The following MEIS2 variants were observed in gnomAD, a reference collection of about 807,000 sequenced individuals.
MEIS2 encodes Meis homeobox 2, also known as homeobox protein Meis2.
Under a neutral mutation model 58.6 loss-of-function variants are expected in MEIS2, and 9 were observed. The observed-to-expected ratio is 0.15, with a 90% confidence interval of 0.09 to 0.27. MEIS2 has a LOEUF of 0.27. MEIS2 is among the 10% of genes least tolerant of loss of function. The probability of loss-of-function intolerance (pLI) is 1.00; values close to 1 mark genes in which losing one functional copy is unlikely to be tolerated. For synonymous variants in MEIS2, 221 were observed against 228.4 expected, an observed-to-expected ratio of 0.97 and a Z score of 0.29; for missense variants, 427 against 635.0, an observed-to-expected ratio of 0.67 and a Z score of 3.52.
chr15:37,093,440 C>G, intron 6 of MEIS2, 141 bp downstream of exon 6: 1 of 1,083,272 alleles, frequency 9.2e-7, no homozygotes, highest in Non-Finnish European at 1.3e-6. Flanking sequence ...GCAGAGAAAG[C>G]AAGAAAGAGA....
intron 9 of MEIS2, among the ~76,000 whole-genome samples, chr15:36,918,632 AAG>A (rs1230726301): frequency 6.6e-6 from 1 of 152,206 alleles, no homozygotes; most frequent in African/African-American, 2.4e-5. Context: ...TCAATGCCAG[AAG>A]AGTGGCCATG....
intron 9 of MEIS2, among the ~76,000 whole-genome samples, chr15:36,912,175 C>CG (rs1482812742): frequency 3.2e-5 from 1 of 30,852 alleles, no homozygotes; most frequent in Admixed American, 2.1e-4. Flanking sequence ...AGGAGGAATG[C>CG]CAAAAACAAA....
intron 9 of MEIS2, among the ~76,000 whole-genome samples, chr15:36,928,647 G>C (rs1162482838): frequency 6.6e-6 from 1 of 152,114 alleles, no homozygotes; most frequent in East Asian, 1.9e-4. Flanking sequence ...ACCTAATCTT[G>C]TATATAAGTG....
intron 7 of MEIS2, among the ~76,000 whole-genome samples, chr15:37,038,840 C>A (rs909161629): frequency 1.3e-5 from 2 of 152,200 alleles, no homozygotes; most frequent in Admixed American, 1.3e-4. Flanking sequence ...CACACATACA[C>A]GCACACCCAA....
intron 9 of MEIS2, among the ~76,000 whole-genome samples, chr15:36,939,546 A>AT (rs5811949): frequency 1.9e-4 from 29 of 149,918 alleles, no homozygotes; most frequent in South Asian, 6.3e-4. Flanking sequence ...AGAGGTCCTT[A>AT]TTTTTTTTTT....
At chr15:37,100,878 A>G (rs922511490), upstream of MEIS2, 6 of 151,632 alleles carry the variant, frequency 4.0e-5, no homozygotes, top group Non-Finnish European at 5.9e-5. Context: ...ATTTAAAAAA[A>G]AAAAAAAACT....
At chr15:37,099,350 AAGC>A (rs1361835539) in intron 1 of MEIS2, 102 bp downstream of exon 1, 1 of 1,569,496 alleles carries the variant, frequency 6.4e-7, no homozygotes, top group African/African-American at 1.4e-5. Context: ...CGCCATCATC[AAGC>A]AGCGAGCAGC....
At chr15:37,017,590 A>G (rs1308918472) in intron 8 of MEIS2, among the ~76,000 whole-genome samples, 1 of 152,180 alleles carries the variant, frequency 6.6e-6, no homozygotes, top group Non-Finnish European at 1.5e-5. Context: ...GCAACAGAGC[A>G]AGAACCGGCC....
intron 8 of MEIS2, among the ~76,000 whole-genome samples, chr15:37,015,788 G>C (rs1258930898): frequency 1.3e-5 from 2 of 152,100 alleles, no homozygotes; most frequent in African/African-American, 4.8e-5. Flanking sequence ...ACAAAAGGAG[G>C]GAATTTTGCA....
intron 7 of MEIS2, among the ~76,000 whole-genome samples, chr15:37,067,070 C>A (rs949207531): frequency 6.6e-6 from 1 of 150,514 alleles, no homozygotes; most frequent in Non-Finnish European, 1.5e-5. Context: ...AGTCACCATG[C>A]CCAGCCAGCA....
chr15:37,082,022 G>T (rs983286427), intron 7 of MEIS2, among the ~76,000 whole-genome samples: 2 of 151,970 alleles, frequency 1.3e-5, no homozygotes, highest in African/African-American at 2.4e-5. Context: ...CTTCTCTCTG[G>T]CCCTTTCTTG....
chr15:36,976,337 G>T (rs2141487603), intron 8 of MEIS2, among the ~76,000 whole-genome samples: 1 of 152,044 alleles, frequency 6.6e-6, no homozygotes, highest in Non-Finnish European at 1.5e-5. Context: ...ACCCGCCTTG[G>T]CCTCCCAAAG....
chr15:37,086,679 A>G (rs1006730657), intron 6 of MEIS2, among the ~76,000 whole-genome samples: 1 of 152,182 alleles, frequency 6.6e-6, no homozygotes, highest in Admixed American at 6.5e-5. Flanking sequence ...CTGAACACCA[A>G]CTAAGGACTA....
In MEIS2 at chr15:37,099,511, A is replaced by G; in HGVS notation, c.-45T>C. On this transcript the variant is annotated 5_prime_UTR_variant, in exon 1 of 12. Coordinates refer to ENST00000561208, the MANE Select transcript of MEIS2 (RefSeq NM_170675.5). The stretch of plus-strand genomic sequence containing the variant: ...CTCCTGGATGTGTCGTATATTTAAT[A>G]TCCCAGTCCGGATAAGAAAGTGATC... 1 of 1,612,688 alleles carries G rather than the reference A, an allele frequency of 6.2e-7. No individual in the cohort carries two copies. Among genetic ancestry groups the G allele is most frequent in the African/African-American group, 1.3e-5 (1 of 74,752 alleles).
At chr15:37,066,815 T>C (rs1044923088) in intron 7 of MEIS2, among the ~76,000 whole-genome samples, 38 of 152,130 alleles carry the variant, frequency 2.5e-4, no homozygotes, top group African/African-American at 9.2e-4. Context: ...CTCACTCTGT[T>C]GCCCAGGCTG....
intron 6 of MEIS2, among the ~76,000 whole-genome samples, chr15:37,090,004 T>A (rs1893326281): frequency 6.6e-6 from 1 of 152,150 alleles, no homozygotes; most frequent in South Asian, 2.1e-4. Flanking sequence ...TCTTTAAAAA[T>A]TGTTTTTTAG....
chr15:37,047,398 T>C (rs1044090886), intron 7 of MEIS2, among the ~76,000 whole-genome samples: 2 of 152,114 alleles, frequency 1.3e-5, no homozygotes, highest in Admixed American at 6.5e-5. Flanking sequence ...CAAGTCATCC[T>C]AGGAATGTGC....
chr15:37,009,530 T>C (rs1326550970), intron 8 of MEIS2, among the ~76,000 whole-genome samples: 1 of 152,232 alleles, frequency 6.6e-6, no homozygotes, highest in African/African-American at 2.4e-5. Context: ...AAATACTGGC[T>C]GGAGAAACAT....
chr15:36,957,106 A>T (rs1391545175), intron 8 of MEIS2, among the ~76,000 whole-genome samples: 1 of 152,158 alleles, frequency 6.6e-6, no homozygotes, highest in Non-Finnish European at 1.5e-5. Context: ...TGAAAGATAG[A>T]GGCTTTAAGC....
Sources: allele counts gnomAD v4.1 joint callset (sites outside exome capture counted in the v4.1 genomes callset), GRCh38; gene constraint gnomAD v4.1.1; transcripts MANE v1.5; gene names NCBI Gene and HGNC (gene_info 2026-07-23, HGNC 2026-07-21).